Variants in IL1RN observed in about 807,000 individuals in gnomAD.
The protein encoded by IL1RN is interleukin 1 receptor antagonist, also known as interleukin-1 receptor antagonist protein.
In IL1RN, 10 loss-of-function variants were observed where a neutral mutation model predicts 13.7. That is an observed-to-expected ratio of 0.73 (90% CI 0.45 to 1.24). IL1RN has a LOEUF of 1.24. IL1RN is among the 50% of genes most tolerant of loss of function. The probability of loss-of-function intolerance (pLI) is 0.00; values close to 1 mark genes in which losing one functional copy is unlikely to be tolerated. For missense variants in IL1RN, 213 were observed against 222.1 expected (o/e 0.96, Z 0.26); for synonymous variants, 102 against 82.7 (o/e 1.23, Z -1.27).
chr2:113,110,571 T>C (rs1686478295), upstream of IL1RN, among the ~76,000 whole-genome samples: 1 of 152,156 alleles, frequency 6.6e-6, no homozygotes, highest in Non-Finnish European at 1.5e-5. Flanking sequence ...TCCCGAGGCA[T>C]TGGAGCAGGA....
Position 113,133,046 on chromosome 2 carries a change from C to A in IL1RN, c.*175C>A. 1 of 685,412 alleles carries A rather than the reference C, an allele frequency of 1.5e-6. No homozygotes were observed. Among genetic ancestry groups the A allele is most frequent in the Non-Finnish European group, 2.6e-6 (1 of 377,854 alleles). 42.5% of individuals were successfully genotyped at this position (685,412 alleles called of 1,614,324 possible). A position where few individuals can be genotyped will look rare whatever the true frequency, so the allele number is the denominator to read the frequency against. On this transcript the variant is annotated 3_prime_UTR_variant, in exon 4 of 4. Transcript: ENST00000409930. Reference sequence around the variant, plus strand: ...AGGACTCTGCCTCCTCTTCAACTGACCAGCCTCCATGCTGCCTCCAGAATG... The same window carrying A: ...AGGACTCTGCCTCCTCTTCAACTGAACAGCCTCCATGCTGCCTCCAGAATG...
At chr2:113,111,311 T>C (rs151160663) in intron 1 of IL1RN, 1 of 152,312 alleles carries the variant, frequency 6.6e-6, no homozygotes, top group African/African-American at 2.4e-5. Flanking sequence ...TAAGATTTGC[T>C]GAACTGGCAT....
At chr2:113,100,609 C>A in the IL1RN span, among the ~76,000 whole-genome samples, 1 of 152,178 alleles carries the variant, frequency 6.6e-6, no homozygotes, top group Non-Finnish European at 1.5e-5. Context: ...ATCACTCTAT[C>A]GCACAGATGC....
intron 2 of IL1RN, among the ~76,000 whole-genome samples, chr2:113,120,645 C>T (rs967252885): frequency 6.6e-6 from 1 of 152,166 alleles, no homozygotes; most frequent in Non-Finnish European, 1.5e-5. Context: ...AGTCCATAAC[C>T]AGGTAAAGAG....
upstream of IL1RN, among the ~76,000 whole-genome samples, chr2:113,107,883 T>A (rs1340837506): frequency 6.6e-6 from 1 of 152,242 alleles, no homozygotes; most frequent in Non-Finnish European, 1.5e-5. Flanking sequence ...CCTCAAGCAT[T>A]TATTCTTTTG....
chr2:113,118,440 G>C (rs45520333), intron 1 of IL1RN, among the ~76,000 whole-genome samples: 357 of 151,744 alleles, frequency 2.4e-3, no homozygotes, highest in Non-Finnish European at 4.0e-3. Flanking sequence ...AGGTCTGAGG[G>C]TTGATTGATA....
At chr2:113,115,300 C>T (rs895978173), upstream of IL1RN, among the ~76,000 whole-genome samples, 1 of 152,060 alleles carries the variant, frequency 6.6e-6, no homozygotes, top group Non-Finnish European at 1.5e-5. Flanking sequence ...GGCCCCCCTG[C>T]TTGTGTGTGG....
chr2:113,102,661 T>C (rs571281730), upstream of IL1RN, among the ~76,000 whole-genome samples: 1 of 151,962 alleles, frequency 6.6e-6, no homozygotes, highest in Non-Finnish European at 1.5e-5. Flanking sequence ...GGAGGTTTTA[T>C]AGGATTTGGG....
the IL1RN span, among the ~76,000 whole-genome samples, chr2:113,100,966 A>T: frequency 6.6e-6 from 1 of 152,238 alleles, no homozygotes; most frequent in Non-Finnish European, 1.5e-5. Flanking sequence ...TATTTCTTAT[A>T]TACATGGGAG....
chr2:113,119,936 G>T, intron 1 of IL1RN: 1 of 766,680 alleles, frequency 1.3e-6, no homozygotes, highest in East Asian at 2.7e-5. Context: ...AACTGGAAGG[G>T]TGAGAACAGA....
chr2:113,122,709 A>C (rs1686817501), upstream of IL1RN, among the ~76,000 whole-genome samples: 1 of 152,200 alleles, frequency 6.6e-6, no homozygotes. Context: ...TTTCCAGCTC[A>C]TCGGGCTGGC....
chr2:113,118,700 G>T lies in IL1RN; in HGVS notation c.10+672G>T, dbSNP rs1414424791. On this transcript the variant is annotated intron_variant, in intron 1 of 5. Coordinates refer to the IL1RN transcript ENST00000259206. ...GTGGGGCAAAGAAAAAAACTCTCAG[G>T]ATCATTGGTATGTAGACTCTAATTT... Among the ~76,000 whole-genome samples, 16 of 152,208 alleles carry T rather than the reference G, an allele frequency of 1.1e-4. 1 individual carries two copies. Among genetic ancestry groups the T allele is most frequent in the Admixed American group, 1.0e-3 (16 of 15,282 alleles).
At chr2:113,109,404 C>T (rs960088360), upstream of IL1RN, among the ~76,000 whole-genome samples, 5 of 87,274 alleles carry the variant, frequency 5.7e-5, no homozygotes, top group Non-Finnish European at 1.1e-4. Flanking sequence ...AAGAGCGAAA[C>T]GCCATCTAAA....
upstream of IL1RN, chr2:113,115,557 G>T (rs1260472347): frequency 6.6e-6 from 1 of 152,082 alleles, no homozygotes; most frequent in Non-Finnish European, 1.5e-5. Flanking sequence ...TGGGGTTGTG[G>T]ATCCTCAGGG....
chr2:113,127,269 T>G (rs1686994256), upstream of IL1RN, among the ~76,000 whole-genome samples: 1 of 152,158 alleles, frequency 6.6e-6, no homozygotes, highest in Non-Finnish European at 1.5e-5. Context: ...CTCAAATCTG[T>G]TTTTTAAAAA....
rs1235848009 is a variant in IL1RN at position 113,133,022 on chromosome 2, G to A, written c.*151G>A. On this transcript the variant is annotated 3_prime_UTR_variant, in exon 4 of 4. Coordinates refer to ENST00000409930, the MANE Select transcript of IL1RN (RefSeq NM_173842.3). Reference sequence around the variant, plus strand: ...AAGGCGTCACAACAACCTGGTCACAGGACTCTGCCTCCTCTTCAACTGACC... The same window carrying A: ...AAGGCGTCACAACAACCTGGTCACAAGACTCTGCCTCCTCTTCAACTGACC... The A allele has an allele frequency of 2.7e-6, 2 of 737,894 alleles. No homozygotes were observed. The highest frequency in any genetic ancestry group is 4.8e-6 in the Non-Finnish European group (2 of 414,454). The allele number at this position is 737,894 out of a possible 1,614,324, so 45.7% of individuals were successfully genotyped here.
upstream of IL1RN, among the ~76,000 whole-genome samples, chr2:113,116,756 C>G (rs1686603000): frequency 6.6e-6 from 1 of 152,208 alleles, no homozygotes; most frequent in Admixed American, 6.5e-5. Context: ...TCCTTCCTCT[C>G]TATTTCATAT....
chr2:113,119,300 G>A (rs1162234280), intron 1 of IL1RN, among the ~76,000 whole-genome samples: 1 of 152,222 alleles, frequency 6.6e-6, no homozygotes, highest in Admixed American at 6.5e-5. Flanking sequence ...ACCCTATGAG[G>A]AAGGGCTATT....
chr2:113,108,391 C>T (rs1686419724), upstream of IL1RN, among the ~76,000 whole-genome samples: 1 of 152,070 alleles, frequency 6.6e-6, no homozygotes, highest in South Asian at 2.1e-4. Context: ...GGTATATCTC[C>T]TAATGCTATC....
Sources: gnomAD v4.1 joint callset for allele counts (sites outside exome capture counted in the v4.1 genomes callset) on GRCh38, gnomAD v4.1.1 for gene constraint, MANE v1.5 for transcripts, NCBI Gene and HGNC (gene_info 2026-07-23, HGNC 2026-07-21) for gene names.